DTX3L: variants seen among roughly 807,000 people sequenced by gnomAD.
The protein encoded by DTX3L is E3 ubiquitin-protein ligase DTX3L.
Under a neutral mutation model 60.9 loss-of-function variants are expected in DTX3L, and 34 were observed. The ratio of observed to expected loss-of-function variants is 0.56; its 90% confidence interval spans 0.42 to 0.74. DTX3L has a LOEUF of 0.74. DTX3L is among the 30% of genes least tolerant of loss of function. DTX3L has a pLI of 0.00. For missense variants in DTX3L, 810 were observed against 874.0 expected (o/e 0.93, Z 0.92); for synonymous variants, 290 against 316.6 (o/e 0.92, Z 0.89).
intron 1 of DTX3L, among the ~76,000 whole-genome samples, chr3:122,565,088 A>G (rs1026927600): frequency 2.0e-5 from 3 of 152,216 alleles, no homozygotes; most frequent in African/African-American, 7.2e-5. Context: ...GAAGATAAAC[A>G]ATGTGACCAT....
intron 1 of DTX3L, 134 bp from the exon 2 acceptor site, chr3:122,565,725 A>T (rs2080570450): frequency 1.3e-6 from 1 of 794,606 alleles, no homozygotes; most frequent in African/African-American, 1.7e-5. Context: ...TCGCCAACCC[A>T]CCATTCCAGG....
rs781422888 is a variant in DTX3L at position 122,568,937 on chromosome 3, G to T, written c.848G>T (p.Arg283Leu). ...GTCTGTTTAGATTTCACCTCAAGTCGATCAGGTGACCTGGAAGCAGCTCGT... is the reference window on the plus strand; with the variant it reads ...GTCTGTTTAGATTTCACCTCAAGTCTATCAGGTGACCTGGAAGCAGCTCGT... Reference protein sequence around the residue: ...NMVCLDFTSSRSGDLEAARES... With the variant: ...NMVCLDFTSSLSGDLEAARES... Residue 283 changes from arginine to leucine, a missense_variant, in exon 3 of 5, where the codon CGA becomes CTA. Arg to Leu is a moderately radical substitution (Grantham distance 102). Transcript: ENST00000296161. The T allele has an allele frequency of 1.2e-6, 2 of 1,614,036 alleles. No homozygotes were observed. The highest frequency in any genetic ancestry group is 2.2e-5 in the South Asian group (2 of 91,076).
intron 3 of DTX3L, 180 bp downstream of exon 3, chr3:122,570,204 G>A (rs1397923571): frequency 1.3e-6 from 1 of 775,248 alleles, no homozygotes; most frequent in South Asian, 1.8e-5. Context: ...AATACCTTTT[G>A]TGTCTATTTC....
intron 1 of DTX3L, 140 bp downstream of exon 1, chr3:122,564,753 C>T: frequency 9.1e-7 from 1 of 1,093,260 alleles, no homozygotes; most frequent in Non-Finnish European, 1.3e-6. Context: ...GGACGGGGCC[C>T]TACTGCCAAG....
chr3:122,564,366 G>A lies in DTX3L; in HGVS notation c.-61G>A. On this transcript the variant is annotated 5_prime_UTR_variant, in exon 1 of 5. Transcript: ENST00000296161. Reference sequence around the variant, plus strand: ...ACTTTGCGCCCAGTCCGCAGGGCGGGCCGCGCCTTTACCGCCCAGCTGCCT... The same window carrying A: ...ACTTTGCGCCCAGTCCGCAGGGCGGACCGCGCCTTTACCGCCCAGCTGCCT... The A allele has an allele frequency of 1.3e-6, 2 of 1,529,000 alleles. No individual in the cohort carries two copies. Among genetic ancestry groups the A allele is most frequent in the South Asian group, 1.2e-5 (1 of 82,506 alleles). The allele number at this position is 1,529,000 out of a possible 1,614,324, so 94.7% of individuals were successfully genotyped here. A position where few individuals can be genotyped will look rare whatever the true frequency, so the allele number is the denominator to read the frequency against.
chr3:122,568,821 A>C lies in DTX3L; in HGVS notation c.732A>C (p.Glu244Asp). Reference sequence around the variant, plus strand: ...TTGAAGTTCCCTTGCCTTACTTTGAATACTTTAAATATATCTGTCCTGATA... The same window carrying C: ...TTGAAGTTCCCTTGCCTTACTTTGACTACTTTAAATATATCTGTCCTGATA... Reference protein sequence around the residue: ...NYFEVPLPYFEYFKYICPDKI... With the variant: ...NYFEVPLPYFDYFKYICPDKI... The change falls in exon 3 of 5, where the codon GAA (glutamate) becomes GAC (aspartate). Residue 244 changes from glutamate to aspartate, a missense_variant. By Grantham distance (45) the Glu-to-Asp change is conservative. Transcript: ENST00000296161. The C allele has an allele frequency of 6.2e-7, 1 of 1,614,092 alleles. No individual in the cohort carries two copies. Among genetic ancestry groups the C allele is most frequent in the African/African-American group, 1.3e-5 (1 of 75,058 alleles).
At chr3:122,567,218 G>C (rs1273206051) in intron 2 of DTX3L, among the ~76,000 whole-genome samples, 1 of 152,176 alleles carries the variant, frequency 6.6e-6, no homozygotes, top group Admixed American at 6.5e-5. Flanking sequence ...AACTTAAAAT[G>C]TTAGGGGATT....
intron 4 of DTX3L, among the ~76,000 whole-genome samples, chr3:122,570,916 G>A (rs917219162): frequency 3.3e-5 from 5 of 152,228 alleles, no homozygotes; most frequent in Admixed American, 2.0e-4. Context: ...TTTTGAATCC[G>A]AGATGAATAC....
Position 122,569,471 on chromosome 3 carries a change from A to C in DTX3L, c.1382A>C (p.Glu461Ala). The C allele has an allele frequency of 1.2e-6, 2 of 1,614,230 alleles. No homozygotes were observed. Among genetic ancestry groups the C allele is most frequent in the Non-Finnish European group, 1.7e-6 (2 of 1,180,042 alleles). ...CTTTTACTGAAGTCTTTGGGCAAGG[A>C]GAGAAAGCACTTACATCAGACCAAG... ...EVLLLKSLGK[E>A]RKHLHQTKFA... Residue 461 changes from glutamate (E) to alanine (A), a missense_variant, in exon 3 of 5, where the codon GAG becomes GCG. Transcript: ENST00000296161.
At position 122,569,700 on chromosome 3, in the gene DTX3L, A is replaced by C. The variant is rs2107782069; in HGVS notation, c.1611A>C (p.Ala537=). 1 of 1,614,212 alleles carries C rather than the reference A, an allele frequency of 6.2e-7. No homozygotes were observed. Among genetic ancestry groups the C allele is most frequent in the Non-Finnish European group, 8.5e-7 (1 of 1,180,040 alleles). The change falls in exon 3 of 5, where the codon GCA becomes GCC. Residue 537 remains alanine (A), a synonymous_variant. Coordinates refer to ENST00000296161, the MANE Select transcript of DTX3L (RefSeq NM_138287.3). ...PMDIDSDDSK[A]ASPPLKGSVS... The stretch of plus-strand genomic sequence containing the variant: ...ACATTGATAGCGATGATTCCAAAGC[A>C]GCTTCTCCGCCACTCAAGGGCTCTG...
chr3:122,569,565 G>T lies in DTX3L; in HGVS notation c.1476G>T (p.Leu492Phe). Residue 492 changes from leucine to phenylalanine, a missense_variant, in exon 3 of 5, where the codon TTG (leucine) becomes TTT (phenylalanine). Leu to Phe is a conservative substitution (Grantham distance 22, BLOSUM62 0). Coordinates refer to ENST00000296161, the MANE Select transcript of DTX3L (RefSeq NM_138287.3). ...TGCTAAATCAAGAGTCAATGACTTT[G>T]ACTGGTTTGCCAAATCACCTTGCAA... is the stretch of plus-strand genomic sequence containing the variant. ...HFVLNQESMT[L>F]TGLPNHLAKA... 6.2e-7 allele frequency: 1 copy of T among 1,614,190 alleles called. No homozygotes were observed. The highest frequency in any genetic ancestry group is 1.1e-5 in the South Asian group (1 of 91,072).
rs754869859 is a variant in DTX3L at position 122,568,898 on chromosome 3, G to A, written c.809G>A (p.Ser270Asn). The stretch of plus-strand genomic sequence containing the variant: ...GGTGTAAACATTGAAATCCAGGAGA[G>A]TTCTCCAAATATGGTCTGTTTAGAT... ...RFGVNIEIQESSPNMVCLDFT... is the reference protein window; with the variant it reads ...RFGVNIEIQENSPNMVCLDFT... Residue 270 changes from serine (S) to asparagine (N), a missense_variant, in exon 3 of 5, where the codon AGT becomes AAT. Transcript: ENST00000296161. The A allele has an allele frequency of 6.2e-7, 1 of 1,614,080 alleles. No individual in the cohort carries two copies. Among genetic ancestry groups the A allele is most frequent in the East Asian group, 2.2e-5 (1 of 44,890 alleles).
At chr3:122,566,197 G>C (rs1328421909) in intron 2 of DTX3L, 127 bp downstream of exon 2, 3 of 767,190 alleles carry the variant, frequency 3.9e-6, no homozygotes, top group Admixed American at 2.7e-5. Flanking sequence ...TTAGGCACTG[G>C]ACACAGAGAT....
chr3:122,570,380 A>G, intron 3 of DTX3L, 75 bp from the exon 4 acceptor site: 4 of 1,428,808 alleles, frequency 2.8e-6, no homozygotes, highest in African/African-American at 1.4e-5. Context: ...TTATCTACAA[A>G]TGAACACATC....
rs79847752 is a variant in DTX3L at position 122,570,343 on chromosome 3, C to A, written c.1936-112C>A. 7.9e-3 allele frequency: 8,711 copies of A among 1,096,238 alleles called. 419 individuals are homozygous for A. The African/African-American group carries it at 0.11, about 14-fold the overall frequency. 67.9% of individuals were successfully genotyped at this position (1,096,238 alleles called of 1,614,324 possible). ...GTTATTGGGAATATGAGCATAACTT[C>A]AATACCTTTCTTGCTTTTGATTTGC... On this transcript the variant is annotated intron_variant, in intron 3 of 4. Coordinates refer to ENST00000296161, the MANE Select transcript of DTX3L (RefSeq NM_138287.3).
rs780352960 is a variant in DTX3L, at chr3:122,570,497, C to T, written c.1978C>T (p.Arg660Ter). 2.0e-5 allele frequency: 33 copies of T among 1,614,010 alleles called. No individual in the cohort carries two copies. Among genetic ancestry groups the T allele is most frequent in the Middle Eastern group, 1.6e-4 (1 of 6,084 alleles). ...AGGAAAGAGATACCCTGGAATACAGCGAACTGCATACTTGCCTGATAATAA... is the reference window on the plus strand; with the variant it reads ...AGGAAAGAGATACCCTGGAATACAGTGAACTGCATACTTGCCTGATAATAA... The part of the protein sequence containing the change: ...NPGKRYPGIQ[R>*]TAYLPDNKEG... Residue 660 changes from arginine to a stop codon, truncating the protein, a stop_gained, in exon 4 of 5, where the codon CGA becomes TGA. Coordinates refer to ENST00000296161, the MANE Select transcript of DTX3L (RefSeq NM_138287.3). LOFTEE classifies it high-confidence loss of function.
intron 1 of DTX3L, 25 bp downstream of exon 1, chr3:122,564,638 G>T (rs775152379): frequency 6.3e-7 from 1 of 1,578,400 alleles, no homozygotes; most frequent in African/African-American, 1.4e-5. Context: ...GCCAGGCTGC[G>T]AAAGCCCTCT....
At chr3:122,565,772 G>T in intron 1 of DTX3L, 87 bp from the exon 2 acceptor site, 1 of 1,342,604 alleles carries the variant, frequency 7.4e-7, no homozygotes, top group East Asian at 2.4e-5. Context: ...TGCTGGGGCA[G>T]AGTACAGACA....
rs1315769741 is a variant in DTX3L, at chr3:122,575,177, T to G, written c.*3430T>G. The G allele has an allele frequency of 1.3e-5, 2 of 152,220 alleles. No individual in the cohort carries two copies. Among genetic ancestry groups the G allele is most frequent in the Non-Finnish European group, 2.9e-5 (2 of 68,034 alleles). 9.4% of individuals were successfully genotyped at this position (152,220 alleles called of 1,614,324 possible). A position where few individuals can be genotyped will look rare whatever the true frequency, so the allele number is the denominator to read the frequency against. Reference sequence around the variant, plus strand: ...AAGCTGTTATCATCTGTATCTGCTTTAAATAAAGTTAAAGATTTGGAACAA... The same window carrying G: ...AAGCTGTTATCATCTGTATCTGCTTGAAATAAAGTTAAAGATTTGGAACAA... On this transcript the variant is annotated 3_prime_UTR_variant, in exon 5 of 5. Transcript: ENST00000296161.
Sources: gnomAD v4.1 joint callset for allele counts (sites outside exome capture counted in the v4.1 genomes callset) on GRCh38, gnomAD v4.1.1 for gene constraint, MANE v1.5 for transcripts, NCBI Gene and HGNC (gene_info 2026-07-23, HGNC 2026-07-21) for gene names.